The following FNDC3B variants were observed in gnomAD, a reference collection of about 807,000 sequenced individuals.
The protein encoded by FNDC3B is fibronectin type III domain containing 3B.
In FNDC3B, 12 loss-of-function variants were observed where a neutral mutation model predicts 151.5. That is an observed-to-expected ratio of 0.08 (90% CI 0.05 to 0.13). The LOEUF (loss-of-function observed/expected upper bound fraction) is 0.13, where lower values mean the gene tolerates loss of function less well. FNDC3B is among the 10% of genes least tolerant of loss of function. FNDC3B has a pLI of 1.00. For synonymous variants in FNDC3B, 528 were observed against 549.0 expected (o/e 0.96, Z 0.54); for missense variants, 1,214 against 1,505.3 (o/e 0.81, Z 3.20).
intron 1 of FNDC3B, among the ~76,000 whole-genome samples, chr3:172,043,386 G>A (rs1716189790): frequency 1.3e-5 from 2 of 151,988 alleles, no homozygotes; most frequent in South Asian, 4.1e-4. Flanking sequence ...CTGTTACCCC[G>A]GCTGGAGTGC....
At chr3:172,078,113 T>C (rs1216392382) in intron 1 of FNDC3B, among the ~76,000 whole-genome samples, 1 of 152,194 alleles carries the variant, frequency 6.6e-6, no homozygotes, top group Non-Finnish European at 1.5e-5. Context: ...CCCAAATAGC[T>C]GGGATTACAG....
chr3:172,105,726 T>TA (rs1719614190), intron 1 of FNDC3B, among the ~76,000 whole-genome samples: 1 of 152,214 alleles, frequency 6.6e-6, no homozygotes, highest in Admixed American at 6.5e-5. Context: ...GTGCTGGGAT[T>TA]ACAGGCATTT....
intron 3 of FNDC3B, among the ~76,000 whole-genome samples, chr3:172,143,505 A>G (rs191743752): frequency 6.6e-6 from 1 of 152,172 alleles, no homozygotes; most frequent in East Asian, 1.9e-4. Context: ...ATTTTAGGTT[A>G]CTCGTTAATT....
At chr3:172,204,767 T>G (rs147654582) in intron 3 of FNDC3B, among the ~76,000 whole-genome samples, 9 of 152,348 alleles carry the variant, frequency 5.9e-5, no homozygotes, top group African/African-American at 2.2e-4. Context: ...CTGCATGAAC[T>G]GCGGACAGAG....
chr3:172,257,107 C>T (rs572546095), intron 6 of FNDC3B, among the ~76,000 whole-genome samples: 2 of 152,174 alleles, frequency 1.3e-5, no homozygotes, highest in South Asian at 2.1e-4. Flanking sequence ...GATGGGGTTT[C>T]GCCATGATGG....
At chr3:172,380,646 G>T (rs1735389774) in intron 24 of FNDC3B, among the ~76,000 whole-genome samples, 1 of 152,124 alleles carries the variant, frequency 6.6e-6, no homozygotes, top group Non-Finnish European at 1.5e-5. Context: ...GCATCTTCCA[G>T]AATACCTAGG....
chr3:172,097,212 C>G (rs1211545906), intron 1 of FNDC3B, among the ~76,000 whole-genome samples: 1 of 152,184 alleles, frequency 6.6e-6, no homozygotes, highest in Non-Finnish European at 1.5e-5. Flanking sequence ...GCTGTGGAAC[C>G]TGCTTCCCCC....
chr3:172,210,592 G>A (rs1025229152), intron 3 of FNDC3B, among the ~76,000 whole-genome samples: 6 of 151,996 alleles, frequency 3.9e-5, no homozygotes, highest in Non-Finnish European at 8.8e-5. Context: ...CTGACATCAA[G>A]TAATCCTCCC....
chr3:172,334,935 G>T lies in FNDC3B; in HGVS notation c.1642-9G>T. The T allele has an allele frequency of 1.2e-6, 2 of 1,608,408 alleles. No individual in the cohort carries two copies. The highest frequency in any genetic ancestry group is 1.7e-6 in the Non-Finnish European group (2 of 1,177,956). On this transcript the variant is annotated splice_polypyrimidine_tract_variant and intron_variant, in intron 14 of 25. Transcript: ENST00000415807. ...AAATCATGTTAACGTTTCCTTGGTT[G>T]TGTTCTAGCTGACTGCTTCTAATAC...
chr3:172,350,829 C>G, intron 21 of FNDC3B, among the ~76,000 whole-genome samples: 1 of 152,106 alleles, frequency 6.6e-6, no homozygotes. Context: ...GCACTCCAGA[C>G]AGAGACAGAC....
rs528649025 is a variant in FNDC3B, at chr3:172,065,326, C to T, written c.-29+25555C>T. Reference sequence around the variant, plus strand: ...CAGCCTGGGTGACAGAGCTAGACTCCGACTCAAAAGAAAAAAAATTTTTGG... The same window carrying T: ...CAGCCTGGGTGACAGAGCTAGACTCTGACTCAAAAGAAAAAAAATTTTTGG... On this transcript the variant is annotated intron_variant, in intron 1 of 25. Transcript: ENST00000415807. Among the ~76,000 whole-genome samples, 1,195 of 152,064 alleles carry T rather than the reference C, an allele frequency of 7.9e-3. 3 individuals carry two copies. Among genetic ancestry groups the T allele is most frequent in the Non-Finnish European group, 0.012 (794 of 68,010 alleles).
At chr3:172,306,480 A>G (rs1462809567) in intron 9 of FNDC3B, among the ~76,000 whole-genome samples, 1 of 152,212 alleles carries the variant, frequency 6.6e-6, no homozygotes, top group Non-Finnish European at 1.5e-5. Flanking sequence ...GAATAGTTTA[A>G]TCCTTGCATC....
At chr3:172,175,352 G>C (rs532314281) in intron 3 of FNDC3B, among the ~76,000 whole-genome samples, 6 of 152,198 alleles carry the variant, frequency 3.9e-5, no homozygotes, top group African/African-American at 1.2e-4. Flanking sequence ...TTTTTCCTCA[G>C]GATTTTATAG....
intron 25 of FNDC3B, among the ~76,000 whole-genome samples, chr3:172,387,558 A>G (rs997011188): frequency 2.1e-4 from 32 of 152,284 alleles, no homozygotes; most frequent in African/African-American, 7.2e-4. Flanking sequence ...CTCTTTAAAA[A>G]CCATCGTTTA....
chr3:172,253,028 A>G (rs1728162727), intron 6 of FNDC3B, among the ~76,000 whole-genome samples: 1 of 152,248 alleles, frequency 6.6e-6, no homozygotes, highest in Admixed American at 6.5e-5. Context: ...AAAAAAAATT[A>G]TGAATAGATT....
chr3:172,340,347 G>A (rs974563601), intron 16 of FNDC3B, among the ~76,000 whole-genome samples: 1 of 146,704 alleles, frequency 6.8e-6, no homozygotes, highest in Non-Finnish European at 1.5e-5. Flanking sequence ...GTGCAACGGC[G>A]CAATCTCGGC....
chr3:172,144,268 C>A (rs1721788990), intron 3 of FNDC3B, among the ~76,000 whole-genome samples: 1 of 152,114 alleles, frequency 6.6e-6, no homozygotes, highest in African/African-American at 2.4e-5. Flanking sequence ...TGGTGCTAGG[C>A]CATTCCTGAG....
intron 14 of FNDC3B, among the ~76,000 whole-genome samples, chr3:172,333,684 G>C (rs1479881065): frequency 6.6e-6 from 1 of 151,936 alleles, no homozygotes; most frequent in Admixed American, 6.6e-5. Context: ...CACAAAAATT[G>C]TCATCATGTG....
intron 3 of FNDC3B, among the ~76,000 whole-genome samples, chr3:172,171,927 A>G (rs1197818945): frequency 6.6e-6 from 1 of 152,184 alleles, no homozygotes; most frequent in Non-Finnish European, 1.5e-5. Flanking sequence ...AGGTGGAAGT[A>G]TGGTGAAAGT....
Sources: gnomAD v4.1 joint callset for allele counts (sites outside exome capture counted in the v4.1 genomes callset) on GRCh38, gnomAD v4.1.1 for gene constraint, MANE v1.5 for transcripts, NCBI Gene and HGNC (gene_info 2026-07-23, HGNC 2026-07-21) for gene names.